The following MTUS2 variants were observed in gnomAD, a reference collection of about 807,000 sequenced individuals.
MTUS2 encodes microtubule associated scaffold protein 2.
Under a neutral mutation model 114.1 loss-of-function variants are expected in MTUS2, and 40 were observed. That is an observed-to-expected ratio of 0.35 (90% CI 0.27 to 0.46). The LOEUF is 0.46. Among genes scored for constraint, MTUS2 ranks in the 20% least tolerant of loss-of-function variants. The pLI, the probability that MTUS2 is intolerant of heterozygous loss-of-function variation, is 1.00. For synonymous variants in MTUS2, 688 were observed against 672.0 expected, an observed-to-expected ratio of 1.02 and a Z score of -0.37; for missense variants, 1,679 against 1,705.4, an observed-to-expected ratio of 0.98 and a Z score of 0.27.
intron 8 of MTUS2, among the ~76,000 whole-genome samples, chr13:29,369,125 A>AG (rs1374114457): frequency 6.6e-6 from 1 of 151,984 alleles, no homozygotes; most frequent in East Asian, 1.9e-4. Context: ...CGGGAAAAAA[A>AG]AGGTTACAGA....
intron 5 of MTUS2, among the ~76,000 whole-genome samples, chr13:29,193,878 A>G (rs1333964430): frequency 6.6e-6 from 1 of 152,260 alleles, no homozygotes; most frequent in Non-Finnish European, 1.5e-5. Flanking sequence ...ACAGCATGGT[A>G]CTGGTACAAA....
intron 2 of MTUS2, among the ~76,000 whole-genome samples, chr13:28,908,954 C>A (rs1186312877): frequency 6.6e-6 from 1 of 151,628 alleles, no homozygotes; most frequent in East Asian, 1.9e-4. Context: ...GGAATCCTTT[C>A]CCCATTTCTT....
chr13:29,278,975 T>C (rs1344451882), intron 5 of MTUS2, among the ~76,000 whole-genome samples: 3 of 152,180 alleles, frequency 2.0e-5, no homozygotes, highest in Non-Finnish European at 4.4e-5. Flanking sequence ...AAAAACTGAC[T>C]TGTTGTAATA....
chr13:29,209,453 T>G (rs913679955), intron 5 of MTUS2, among the ~76,000 whole-genome samples: 1 of 152,144 alleles, frequency 6.6e-6, no homozygotes, highest in East Asian at 1.9e-4. Context: ...GAGGTACTAT[T>G]CTATTCATCA....
At chr13:29,348,627 A>G (rs1020496504) in intron 7 of MTUS2, among the ~76,000 whole-genome samples, 1 of 152,214 alleles carries the variant, frequency 6.6e-6, no homozygotes, top group South Asian at 2.1e-4. Flanking sequence ...TTCTGTCTAC[A>G]TGTCCTACCA....
Position 29,320,340 on chromosome 13 carries a change from T to G in MTUS2, c.2807-4273T>G, listed in dbSNP as rs184135138. Among the ~76,000 whole-genome samples the G allele has an allele frequency of 9.7e-4, 148 of 152,306 alleles. 2 individuals carry two copies. The highest frequency in any genetic ancestry group is 3.4e-3 in the African/African-American group (143 of 41,566). On this transcript the variant is annotated intron_variant, in intron 6 of 15. Coordinates refer to ENST00000612955, the MANE Select transcript of MTUS2 (RefSeq NM_001033602.4). ...CACCAGCCTGGCCGACCCCTTGGCT[T>G]CAGCCCAGTGAGCCTGATTTCAGAC...
At chr13:29,050,827 CCAGG>C (rs1295834724) in intron 4 of MTUS2, among the ~76,000 whole-genome samples, 1 of 152,112 alleles carries the variant, frequency 6.6e-6, no homozygotes, top group Non-Finnish European at 1.5e-5. Context: ...GTAGTACGTT[CCAGG>C]CAGAAGAAAC....
intron 4 of MTUS2, among the ~76,000 whole-genome samples, chr13:29,066,400 G>C (rs1006933261): frequency 2.0e-5 from 3 of 152,212 alleles, no homozygotes; most frequent in Non-Finnish European, 4.4e-5. Context: ...AGTGGTAGTA[G>C]TTATTGTTAT....
At chr13:29,258,058 G>A (rs562104689) in intron 5 of MTUS2, among the ~76,000 whole-genome samples, 22 of 152,308 alleles carry the variant, frequency 1.4e-4, no homozygotes, top group Middle Eastern at 3.4e-3. Context: ...TAACTAATTA[G>A]CACACACTTA....
At chr13:28,983,224 G>A (rs985712113) in intron 2 of MTUS2, among the ~76,000 whole-genome samples, 1 of 152,214 alleles carries the variant, frequency 6.6e-6, no homozygotes, top group Middle Eastern at 3.4e-3. Context: ...CCTCTCTATC[G>A]CTCCAGAGTG....
chr13:29,457,801 A>T (rs903998987), intron 9 of MTUS2, among the ~76,000 whole-genome samples: 2 of 152,096 alleles, frequency 1.3e-5, no homozygotes, highest in Non-Finnish European at 2.9e-5. Context: ...ATTCTTGCCA[A>T]CATTTGTCAG....
chr13:28,828,367 G>A (rs1309033404), intron 1 of MTUS2, among the ~76,000 whole-genome samples: 2 of 151,950 alleles, frequency 1.3e-5, no homozygotes, highest in African/African-American at 4.8e-5. Context: ...ATCATCACAG[G>A]GTCCTGAGGT....
At chr13:29,441,724 G>A (rs1020300080) in intron 9 of MTUS2, among the ~76,000 whole-genome samples, 1 of 152,094 alleles carries the variant, frequency 6.6e-6, no homozygotes, top group Non-Finnish European at 1.5e-5. Context: ...TTCACCCGTG[G>A]AGCCATGGGT....
intron 8 of MTUS2, among the ~76,000 whole-genome samples, chr13:29,417,304 T>A (rs1364172086): frequency 6.6e-6 from 1 of 152,228 alleles, no homozygotes; most frequent in East Asian, 1.9e-4. Flanking sequence ...TTCTTCCCCA[T>A]GACCCATACA....
chr13:28,856,747 A>T (rs879699525), intron 2 of MTUS2, among the ~76,000 whole-genome samples: 2 of 152,238 alleles, frequency 1.3e-5, no homozygotes, highest in Non-Finnish European at 2.9e-5. Context: ...GATTTAAAAA[A>T]TGACTACTTT....
intron 8 of MTUS2, among the ~76,000 whole-genome samples, chr13:29,378,102 T>A (rs990665417): frequency 6.6e-6 from 1 of 152,136 alleles, no homozygotes; most frequent in Admixed American, 6.5e-5. Context: ...TAGTAGTTGC[T>A]GGAGGTTAGA....
intron 5 of MTUS2, among the ~76,000 whole-genome samples, chr13:29,241,488 C>T (rs1235804747): frequency 6.6e-6 from 1 of 152,164 alleles, no homozygotes; most frequent in Non-Finnish European, 1.5e-5. Flanking sequence ...CTGACTCTCT[C>T]ATCCTTCTCA....
chr13:29,487,574 C>T (rs776738303), intron 10 of MTUS2: 6 of 293,410 alleles, frequency 2.0e-5, no homozygotes, highest in Non-Finnish European at 3.2e-5. Flanking sequence ...TTTCCTTTGC[C>T]GTCATCGCTC....
At chr13:29,116,450 C>T (rs1028278698) in intron 5 of MTUS2, among the ~76,000 whole-genome samples, 1 of 152,108 alleles carries the variant, frequency 6.6e-6, no homozygotes, top group South Asian at 2.1e-4. Flanking sequence ...CTTATCCATT[C>T]CTAGGGATGA....
Sources: gnomAD v4.1 joint callset for allele counts (sites outside exome capture counted in the v4.1 genomes callset) on GRCh38, gnomAD v4.1.1 for gene constraint, MANE v1.5 for transcripts, NCBI Gene and HGNC (gene_info 2026-07-23, HGNC 2026-07-21) for gene names.